CCDC7: variants seen among roughly 807,000 people sequenced by gnomAD.
CCDC7 encodes coiled-coil domain-containing protein 7.
Under a neutral mutation model 196.9 loss-of-function variants are expected in CCDC7, and 183 were observed. That is an observed-to-expected ratio of 0.93 (90% CI 0.82 to 1.05). The LOEUF (loss-of-function observed/expected upper bound fraction) is 1.05. CCDC7 is among the 50% of genes least tolerant of loss of function. CCDC7 has a pLI of 0.00. For synonymous variants in CCDC7, 525 were observed against 484.6 expected (o/e 1.08, Z -1.10); for missense variants, 1,540 against 1,482.2 (o/e 1.04, Z -0.64).
At chr10:32,760,805 C>T (rs1266587652) in intron 28 of CCDC7, among the ~76,000 whole-genome samples, 1 of 151,334 alleles carries the variant, frequency 6.6e-6, no homozygotes, top group Non-Finnish European at 1.5e-5. Flanking sequence ...AGCAAGATGG[C>T]TCCGGAAGGT....
At chr10:32,454,532 A>G (rs1245090276) in intron 2 of CCDC7, among the ~76,000 whole-genome samples, 1 of 152,170 alleles carries the variant, frequency 6.6e-6, no homozygotes, top group Non-Finnish European at 1.5e-5. Flanking sequence ...CAGTATATCC[A>G]GGTAACAAAC....
intron 13 of CCDC7, among the ~76,000 whole-genome samples, chr10:32,559,826 G>T (rs545023909): frequency 5.3e-5 from 8 of 152,344 alleles, no homozygotes; most frequent in African/African-American, 1.9e-4. Context: ...GATGGAGAAT[G>T]ACTTTGACGA....
At chr10:32,482,767 C>G (rs894328099) in intron 8 of CCDC7, among the ~76,000 whole-genome samples, 4 of 151,852 alleles carry the variant, frequency 2.6e-5, no homozygotes, top group Non-Finnish European at 4.4e-5. Context: ...TTTGTCCTTG[C>G]GATAGTTTGC....
intron 11 of CCDC7, among the ~76,000 whole-genome samples, chr10:32,540,866 T>G (rs1040291389): frequency 6.6e-6 from 1 of 152,182 alleles, no homozygotes; most frequent in African/African-American, 2.4e-5. Context: ...TATCTTCTTA[T>G]GTAATACCTT....
intron 30 of CCDC7, among the ~76,000 whole-genome samples, chr10:32,811,251 A>T (rs1400869713): frequency 6.6e-6 from 1 of 152,014 alleles, no homozygotes; most frequent in African/African-American, 2.4e-5. Flanking sequence ...TTAATAAACC[A>T]CTAGGTAGAC....
At chr10:32,656,219 C>G (rs894716867) in intron 20 of CCDC7, among the ~76,000 whole-genome samples, 2 of 152,150 alleles carry the variant, frequency 1.3e-5, no homozygotes, top group African/African-American at 4.8e-5. Context: ...ACCATCAGAT[C>G]CAGCAGTTCC....
chr10:32,665,425 C>G (rs1025688077), intron 21 of CCDC7, among the ~76,000 whole-genome samples: 1 of 151,940 alleles, frequency 6.6e-6, no homozygotes, highest in Non-Finnish European at 1.5e-5. Context: ...TTTCTTCTAG[C>G]AATTCTAGTT....
chr10:32,514,432 A>G (rs1021932847), intron 9 of CCDC7: 4 of 152,254 alleles, frequency 2.6e-5, no homozygotes, highest in Non-Finnish European at 5.9e-5. Context: ...TTATTCTGCC[A>G]CAATCCAAAG....
At chr10:32,809,469 A>G (rs1463583242) in intron 30 of CCDC7, among the ~76,000 whole-genome samples, 4 of 152,204 alleles carry the variant, frequency 2.6e-5, no homozygotes, top group Non-Finnish European at 4.4e-5. Context: ...AATTTTTGCA[A>G]TCTACCCATC....
At chr10:32,765,830 A>G (rs1443891948) in intron 28 of CCDC7, among the ~76,000 whole-genome samples, 1 of 152,076 alleles carries the variant, frequency 6.6e-6, no homozygotes, top group Non-Finnish European at 1.5e-5. Flanking sequence ...AAATTAACGT[A>G]TCCCCTGGTA....
At chr10:32,829,148 T>C (rs551251286) in intron 32 of CCDC7, among the ~76,000 whole-genome samples, 1 of 152,272 alleles carries the variant, frequency 6.6e-6, no homozygotes, top group Non-Finnish European at 1.5e-5. Flanking sequence ...TTAGGGCATC[T>C]CTTAGTATTA....
At chr10:32,818,866 G>C (rs1341175834) in intron 31 of CCDC7, among the ~76,000 whole-genome samples, 1 of 152,072 alleles carries the variant, frequency 6.6e-6, no homozygotes, top group Non-Finnish European at 1.5e-5. Context: ...AAAAAGGAAA[G>C]ATCTAAAATT....
At chr10:32,666,071 A>G (rs1419916476) in intron 21 of CCDC7, among the ~76,000 whole-genome samples, 2 of 149,772 alleles carry the variant, frequency 1.3e-5, no homozygotes, top group East Asian at 3.9e-4. Context: ...TATGAATTTA[A>G]TCATTTGGTC....
intron 18 of CCDC7, among the ~76,000 whole-genome samples, chr10:32,633,099 T>C (rs2065098433): frequency 6.6e-6 from 1 of 152,160 alleles, no homozygotes; most frequent in South Asian, 2.1e-4. Flanking sequence ...TGATTGGGCA[T>C]GAAAGTTCAC....
chr10:32,629,102 G>A (rs778188575), intron 18 of CCDC7, among the ~76,000 whole-genome samples: 1 of 152,074 alleles, frequency 6.6e-6, no homozygotes, highest in South Asian at 2.1e-4. Context: ...GAGTATTAAA[G>A]TTCTCCACTA....
chr10:32,472,156 T>G (rs956643368), intron 6 of CCDC7, among the ~76,000 whole-genome samples: 1 of 152,176 alleles, frequency 6.6e-6, no homozygotes, highest in African/African-American at 2.4e-5. Flanking sequence ...CCTTCATCAT[T>G]ATACGATTGA....
intron 28 of CCDC7, among the ~76,000 whole-genome samples, chr10:32,756,538 A>C (rs2076479324): frequency 6.6e-6 from 1 of 152,226 alleles, no homozygotes; most frequent in African/African-American, 2.4e-5. Flanking sequence ...AATCCTTTAC[A>C]GACAAGCAAA....
rs180990609 is a variant in CCDC7 at position 32,546,028 on chromosome 10, G to A, written c.1134+1727G>A. 1.8e-3 allele frequency among the ~76,000 whole-genome samples: 274 copies of A among 151,500 alleles called. 1 individual carries two copies. The highest frequency in any genetic ancestry group is 6.3e-3 in the African/African-American group (260 of 41,362). Reference sequence around the variant, plus strand: ...GAGGTGGAGGAGGGAGAGAAGGAGAGACCAAAGACTGGGCTGAATTCTACA... The same window carrying A: ...GAGGTGGAGGAGGGAGAGAAGGAGAAACCAAAGACTGGGCTGAATTCTACA... On this transcript the variant is annotated intron_variant, in intron 13 of 41. Transcript: ENST00000639629.
chr10:32,854,814 G>A (rs138733702), intron 41 of CCDC7, among the ~76,000 whole-genome samples: 170 of 152,116 alleles, frequency 1.1e-3, no homozygotes, highest in African/African-American at 2.6e-3. Flanking sequence ...TTTATTCAAC[G>A]ATTCCTCTAC....
Sources: gnomAD v4.1 joint callset for allele counts (sites outside exome capture counted in the v4.1 genomes callset) on GRCh38, gnomAD v4.1.1 for gene constraint, MANE v1.5 for transcripts, NCBI Gene and HGNC (gene_info 2026-07-23, HGNC 2026-07-21) for gene names.